Variants in ERC1 observed in about 807,000 individuals in gnomAD.
ERC1 encodes ELKS/RAB6-interacting/CAST family member 1.
In ERC1, 56 loss-of-function variants were observed where a neutral mutation model predicts 132.0. The observed-to-expected ratio is 0.42, with a 90% CI of 0.34 to 0.53. The LOEUF (loss-of-function observed/expected upper bound fraction) is 0.53. ERC1 is among the 20% of genes least tolerant of loss of function. The probability of loss-of-function intolerance (pLI) is 0.03; values close to 1 mark genes in which losing one functional copy is unlikely to be tolerated. For missense variants in ERC1, 1,202 were observed against 1,349.9 expected, an observed-to-expected ratio of 0.89 and a Z score of 1.72; for synonymous variants, 478 against 476.1, an observed-to-expected ratio of 1.00 and a Z score of -0.05.
chr12:1,363,927 G>A (rs751367749), intron 15 of ERC1, among the ~76,000 whole-genome samples: 4 of 152,230 alleles, frequency 2.6e-5, no homozygotes, highest in Non-Finnish European at 5.9e-5. Context: ...GAGATGAGCA[G>A]CAAGTGAGAA....
At chr12:1,204,448 T>A (rs1249383677) in intron 12 of ERC1, 17 of 1,486,736 alleles carry the variant, frequency 1.1e-5, no homozygotes, top group Non-Finnish European at 1.3e-5. Flanking sequence ...CCTTATTAAT[T>A]CTTTCTAACT....
At chr12:1,154,243 A>ATATGTATATGTATATGTG (rs1014323432) in intron 8 of ERC1, among the ~76,000 whole-genome samples, 8 of 148,222 alleles carry the variant, frequency 5.4e-5, no homozygotes, top group African/African-American at 1.8e-4. Flanking sequence ...ATGTATATGT[A>ATATGTATATGTATATGTG]TATGTATATG....
Position 1,126,986 on chromosome 12 carries a change from C to CAAAAA in ERC1, c.1569+10976_1569+10980dup, listed in dbSNP as rs71055135. The stretch of plus-strand genomic sequence containing the variant: ...CTGGCGACAGAGTGAGATTCTGTCT[C>CAAAAA]AAAAAAAAAAAAAAAAAAAAAAAAA... On this transcript the variant is annotated intron_variant, in intron 7 of 18. Transcript: ENST00000360905. Among the ~76,000 whole-genome samples, 93 of 114,158 alleles carry CAAAAA rather than the reference C, an allele frequency of 8.1e-4. No individual in the cohort carries two copies. The East Asian group carries it at 9.4e-3, about 12-fold the overall frequency. 74.9% of individuals were successfully genotyped at this position (114,158 alleles called of 152,430 possible).
intron 18 of ERC1, among the ~76,000 whole-genome samples, chr12:1,446,430 C>G (rs1055626640): frequency 4.6e-5 from 7 of 152,048 alleles, no homozygotes; most frequent in Non-Finnish European, 1.5e-5. Context: ...TATTCCTTAC[C>G]CCCTATAGAT....
chr12:1,109,917 G>A (rs1315283023), intron 4 of ERC1, among the ~76,000 whole-genome samples: 3 of 152,164 alleles, frequency 2.0e-5, no homozygotes, highest in South Asian at 2.1e-4. Context: ...GCATGGTAGC[G>A]TACACTTGTA....
intron 2 of ERC1, among the ~76,000 whole-genome samples, chr12:1,037,317 T>G (rs572663653): frequency 6.6e-6 from 1 of 152,350 alleles, no homozygotes; most frequent in South Asian, 2.1e-4. Context: ...TTTGCTAATT[T>G]ACAGCAAATT....
At chr12:1,051,778 GA>G (rs1972048625) in intron 2 of ERC1, among the ~76,000 whole-genome samples, 1 of 151,930 alleles carries the variant, frequency 6.6e-6, no homozygotes, top group African/African-American at 2.4e-5. Context: ...AGGGGGAGAG[GA>G]AAAGAAGGTG....
At chr12:1,177,776 C>A (rs1183392457) in intron 8 of ERC1, among the ~76,000 whole-genome samples, 1 of 152,224 alleles carries the variant, frequency 6.6e-6, no homozygotes, top group South Asian at 2.1e-4. Context: ...TGCCGATAGA[C>A]TTGCTCGACG....
At chr12:1,043,462 T>C (rs1251538002) in intron 2 of ERC1, among the ~76,000 whole-genome samples, 1 of 152,212 alleles carries the variant, frequency 6.6e-6, no homozygotes, top group Non-Finnish European at 1.5e-5. Context: ...AAAGGGATAG[T>C]GTATTGGGTC....
chr12:1,058,606 G>C (rs1306555392), intron 2 of ERC1, among the ~76,000 whole-genome samples: 1 of 151,980 alleles, frequency 6.6e-6, no homozygotes, highest in Non-Finnish European at 1.5e-5. Flanking sequence ...GCTTTGTAGT[G>C]TATTTTGAAG....
At chr12:1,403,016 T>C (rs2091204036) in intron 16 of ERC1, among the ~76,000 whole-genome samples, 1 of 152,258 alleles carries the variant, frequency 6.6e-6, no homozygotes, top group Non-Finnish European at 1.5e-5. Context: ...AGCTTATGTA[T>C]TCTTCTATGA....
intron 7 of ERC1, among the ~76,000 whole-genome samples, chr12:1,120,169 T>C (rs377041875): frequency 1.3e-5 from 2 of 151,940 alleles, no homozygotes; most frequent in South Asian, 4.2e-4. Flanking sequence ...TTAATTTGTA[T>C]TTTTTGTAGA....
chr12:1,411,438 C>T (rs2091840875), intron 17 of ERC1, among the ~76,000 whole-genome samples: 2 of 66,270 alleles, frequency 3.0e-5, no homozygotes, highest in Non-Finnish European at 6.6e-5. Context: ...TAACGTTGAG[C>T]ACAACCAAGA....
Position 1,428,211 on chromosome 12 carries a change from T to C in ERC1, c.3025-16351T>C, listed in dbSNP as rs146823206. Among the ~76,000 whole-genome samples the C allele has an allele frequency of 5.0e-3, 756 of 152,332 alleles. 10 individuals are homozygous for C. The highest frequency in any genetic ancestry group is 0.017 in the African/African-American group (714 of 41,574). ...GACAACAAAGTATCTTTGTACTTTG[T>C]ACAAAATAAAACTCTTCACGTATTA... is the stretch of plus-strand genomic sequence containing the variant. On this transcript the variant is annotated intron_variant, in intron 17 of 18. Transcript: ENST00000360905.
At chr12:1,488,127 G>T (rs1442925160) in intron 18 of ERC1, among the ~76,000 whole-genome samples, 1 of 141,524 alleles carries the variant, frequency 7.1e-6, no homozygotes, top group Non-Finnish European at 1.5e-5. Context: ...GACAGAGCGA[G>T]ACTCACGTCT....
intron 18 of ERC1, among the ~76,000 whole-genome samples, chr12:1,448,208 T>C (rs2093349872): frequency 6.6e-6 from 1 of 152,214 alleles, no homozygotes; most frequent in African/African-American, 2.4e-5. Flanking sequence ...CCGTTAATAT[T>C]GTCATGTTTC....
chr12:1,233,602 C>G lies in ERC1; in HGVS notation c.2352-3167C>G, dbSNP rs182880385. On this transcript the variant is annotated intron_variant, in intron 12 of 18. Coordinates refer to ENST00000360905, the MANE Select transcript of ERC1 (RefSeq NM_178040.4). ...CCTAAAAATGAAAATTGAATATATTCAAGTCTTTAAAGCTAATATTCAGTA... is the reference window on the plus strand; with the variant it reads ...CCTAAAAATGAAAATTGAATATATTGAAGTCTTTAAAGCTAATATTCAGTA... Among the ~76,000 whole-genome samples, 249 of 150,896 alleles carry G rather than the reference C, an allele frequency of 1.7e-3. 1 individual carries two copies. The highest frequency in any genetic ancestry group is 7.0e-3 in the Middle Eastern group (2 of 284).
At chr12:1,184,173 G>A (rs998772402) in intron 11 of ERC1, among the ~76,000 whole-genome samples, 1 of 151,310 alleles carries the variant, frequency 6.6e-6, no homozygotes, top group African/African-American at 2.4e-5. Flanking sequence ...AGAATAAGTG[G>A]GAGCATATTT....
chr12:1,495,800 G>A lies in ERC1; in HGVS notation c.*5570G>A, dbSNP rs1277782609. On this transcript the variant is annotated 3_prime_UTR_variant, in exon 19 of 19. Transcript: ENST00000360905. The stretch of plus-strand genomic sequence containing the variant: ...TCCTGCTGGAGTTGTGTTACTGACA[G>A]GATAATGACATTACAAAGAAATTGT... 7 of 216,642 alleles carry A rather than the reference G, an allele frequency of 3.2e-5. No homozygotes were observed. Among genetic ancestry groups the A allele is most frequent in the African/African-American group, 1.6e-4 (7 of 44,370 alleles). The allele number at this position is 216,642 out of a possible 1,614,324, so 13.4% of individuals were successfully genotyped here. A position where few individuals can be genotyped will look rare whatever the true frequency, so the allele number is the denominator to read the frequency against.
Sources: gnomAD v4.1 joint callset for allele counts (sites outside exome capture counted in the v4.1 genomes callset) on GRCh38, gnomAD v4.1.1 for gene constraint, MANE v1.5 for transcripts, NCBI Gene and HGNC (gene_info 2026-07-23, HGNC 2026-07-21) for gene names.